Variants in INPP5A observed in about 807,000 individuals in gnomAD.
The protein encoded by INPP5A is 43 kDa inositol polyphosphate 5-phophatase.
Under a neutral mutation model 65.2 loss-of-function variants are expected in INPP5A, and 14 were observed. That is an observed-to-expected ratio of 0.21 (90% CI 0.14 to 0.34). The LOEUF is 0.34. Ranked by LOEUF, INPP5A falls within the 10% of genes least tolerant of loss-of-function variation. INPP5A has a pLI of 1.00. For missense variants in INPP5A, 431 were observed against 545.6 expected (o/e 0.79, Z 2.09); for synonymous variants, 207 against 208.3 (o/e 0.99, Z 0.05).
chr10:132,715,990 C>T (rs1187015132), intron 8 of INPP5A, among the ~76,000 whole-genome samples: 1 of 152,264 alleles, frequency 6.6e-6, no homozygotes, highest in Non-Finnish European at 1.5e-5. Flanking sequence ...TCGCCTTAGC[C>T]TCTCCAGGGC....
intron 3 of INPP5A, among the ~76,000 whole-genome samples, chr10:132,647,202 G>A (rs547781053): frequency 4.0e-4 from 60 of 150,492 alleles, no homozygotes; most frequent in African/African-American, 1.3e-3. Flanking sequence ...TGCAAGCACC[G>A]CCTCCTGGAT....
chr10:132,753,785 T>C lies in INPP5A; in HGVS notation c.903+3940T>C. 6.6e-6 allele frequency: 1 copy of C among 152,164 alleles called. No homozygotes were observed. 9.4% of individuals were successfully genotyped at this position (152,164 alleles called of 1,614,324 possible). On this transcript the variant is annotated intron_variant, in intron 11 of 15. Transcript: ENST00000368594. This position sits in a 1 kb window ranked among gnomAD's most constrained non-coding sequence, Gnocchi z 5.3. ...TTTCCTTTATCAGCGCCAGTGTCTC[T>C]GCAGGAGTGGCGTGAGCGGCGGCCG...
intron 1 of INPP5A, among the ~76,000 whole-genome samples, chr10:132,560,604 AT>A (rs950872802): frequency 1.7e-4 from 25 of 148,188 alleles, no homozygotes; most frequent in African/African-American, 4.9e-4. Context: ...GCACATTTTA[AT>A]TTTTTTTTTT....
rs866848862 is a variant in INPP5A at position 132,782,136 on chromosome 10, C to T, written c.*107C>T. 1.4e-5 allele frequency: 21 copies of T among 1,521,600 alleles called. No individual in the cohort carries two copies. Among genetic ancestry groups the T allele is most frequent in the Non-Finnish European group, 1.6e-5 (18 of 1,127,830 alleles). The allele number at this position is 1,521,600 out of a possible 1,614,324, so 94.3% of individuals were successfully genotyped here. ...AAGCTGCATCGAGAACCCGCCCAAG[C>T]GCCACCTGCTAGACGGCCAGCCCCA... On this transcript the variant is annotated 3_prime_UTR_variant, in exon 16 of 16. Transcript: ENST00000368594. The surrounding 1 kb of genome is among the most constrained non-coding windows in gnomAD (Gnocchi z 4.4).
At chr10:132,590,478 T>C (rs1252275021) in intron 1 of INPP5A, among the ~76,000 whole-genome samples, 1 of 151,838 alleles carries the variant, frequency 6.6e-6, no homozygotes, top group African/African-American at 2.4e-5. Flanking sequence ...CAGAGGAGTG[T>C]GGGGGAGACA....
At chr10:132,572,511 G>A (rs2071357789) in intron 1 of INPP5A, among the ~76,000 whole-genome samples, 1 of 152,060 alleles carries the variant, frequency 6.6e-6, no homozygotes, top group African/African-American at 2.4e-5. Context: ...GCTTTCCCTG[G>A]GAGGGATGCT....
At chr10:132,614,051 G>T (rs1234899204) in intron 2 of INPP5A, among the ~76,000 whole-genome samples, 1 of 152,220 alleles carries the variant, frequency 6.6e-6, no homozygotes, top group Non-Finnish European at 1.5e-5. Flanking sequence ...AAGCCTGTGT[G>T]TGCCTCCATC....
At chr10:132,615,043 G>C (rs935291409) in intron 2 of INPP5A, among the ~76,000 whole-genome samples, 3 of 152,264 alleles carry the variant, frequency 2.0e-5, no homozygotes, top group Non-Finnish European at 4.4e-5. Flanking sequence ...CGTTGGGTCA[G>C]TGTGGAGGAC....
chr10:132,652,570 G>A (rs889151890), intron 4 of INPP5A, among the ~76,000 whole-genome samples: 1 of 152,266 alleles, frequency 6.6e-6, no homozygotes, highest in Non-Finnish European at 1.5e-5. Context: ...CCTCGGAAGA[G>A]TGGGGCTCTG....
chr10:132,640,807 G>A (rs2072418206), intron 2 of INPP5A, among the ~76,000 whole-genome samples: 1 of 151,930 alleles, frequency 6.6e-6, no homozygotes, highest in Non-Finnish European at 1.5e-5. Flanking sequence ...GCCCCTCTTT[G>A]CCAGCACTTA....
intron 2 of INPP5A, among the ~76,000 whole-genome samples, chr10:132,635,123 G>A (rs920224747): frequency 1.3e-5 from 2 of 152,204 alleles, no homozygotes; most frequent in Non-Finnish European, 2.9e-5. Flanking sequence ...TGCTGTCAAA[G>A]AACTCAGTTT....
intron 8 of INPP5A, among the ~76,000 whole-genome samples, chr10:132,721,408 C>A (rs1444064484): frequency 5.6e-5 from 8 of 143,780 alleles, no homozygotes; most frequent in African/African-American, 2.1e-4. Context: ...TGGGTTCTGT[C>A]TGGGTGCCTT....
intron 11 of INPP5A, among the ~76,000 whole-genome samples, chr10:132,756,924 G>A (rs1463637293): frequency 6.6e-6 from 1 of 152,144 alleles, no homozygotes; most frequent in Non-Finnish European, 1.5e-5. Flanking sequence ...CTGTGTCGTT[G>A]TCTTCATTGT....
At chr10:132,614,470 AAAAT>A (rs2072003159) in intron 2 of INPP5A, among the ~76,000 whole-genome samples, 1 of 152,162 alleles carries the variant, frequency 6.6e-6, no homozygotes, top group South Asian at 2.1e-4. Context: ...CTGTCTCAAA[AAAAT>A]AAATAGATAA....
At chr10:132,611,050 G>A (rs1442719429) in intron 2 of INPP5A, among the ~76,000 whole-genome samples, 5 of 150,672 alleles carry the variant, frequency 3.3e-5, no homozygotes, top group Non-Finnish European at 7.4e-5. Flanking sequence ...AGAGGAGGAT[G>A]AGGGAGGTGA....
intron 1 of INPP5A, among the ~76,000 whole-genome samples, chr10:132,581,962 C>G (rs1047496085): frequency 6.6e-6 from 1 of 152,006 alleles, no homozygotes; most frequent in Non-Finnish European, 1.5e-5. Flanking sequence ...CTCAGCTTCC[C>G]GAGTAGCTGG....
At chr10:132,656,410 T>C (rs997426144) in intron 4 of INPP5A, among the ~76,000 whole-genome samples, 1 of 152,230 alleles carries the variant, frequency 6.6e-6, no homozygotes, top group Non-Finnish European at 1.5e-5. Context: ...AGGTGTGGCC[T>C]GGCGGACACA....
chr10:132,697,824 T>C lies in INPP5A; in HGVS notation c.379T>C (p.Tyr127His). The change falls in exon 6 of 16, where the codon TAT (tyrosine) becomes CAT (histidine). Residue 127 changes from tyrosine (Y) to histidine (H), a missense_variant. Physicochemically the swap from Tyr to His is moderately conservative, Grantham distance 83. Coordinates refer to ENST00000368594, the MANE Select transcript of INPP5A (RefSeq NM_005539.5). The surrounding 1 kb of genome is among the most constrained non-coding windows in gnomAD (Gnocchi z 5.6). ...CTTCTGGTCTCTTCCAGCTAAGAAG[T>C]ATAGAAAGGTCGCTGGCAAAGAGAT... Reference protein sequence around the residue: ...IYQFDFKAKKYRKVAGKEIYS... With the variant: ...IYQFDFKAKKHRKVAGKEIYS... 1 of 1,610,000 alleles carries C rather than the reference T, an allele frequency of 6.2e-7. No homozygotes were observed. The highest frequency in any genetic ancestry group is 8.5e-7 in the Non-Finnish European group (1 of 1,176,626).
At chr10:132,653,823 C>T (rs886704351) in intron 4 of INPP5A, among the ~76,000 whole-genome samples, 3 of 152,112 alleles carry the variant, frequency 2.0e-5, no homozygotes, top group Non-Finnish European at 2.9e-5. Flanking sequence ...GCCTTCAGCG[C>T]GGGGAGCACG....
Sources: allele counts gnomAD v4.1 joint callset (sites outside exome capture counted in the v4.1 genomes callset), GRCh38; gene constraint gnomAD v4.1.1; non-coding constraint Gnocchi (gnomAD v3.1); transcripts MANE v1.5; gene names NCBI Gene and HGNC (gene_info 2026-07-23, HGNC 2026-07-21).